The following SH3YL1 variants were observed in gnomAD, a reference collection of about 807,000 sequenced individuals.
The protein encoded by SH3YL1 is SH3 domain-containing YSC84-like protein 1.
Under a neutral mutation model 45.8 loss-of-function variants are expected in SH3YL1, and 41 were observed. The ratio of observed to expected loss-of-function variants is 0.89; its 90% CI spans 0.70 to 1.16. The LOEUF (loss-of-function observed/expected upper bound fraction) is 1.16, where lower values mean the gene tolerates loss of function less well. SH3YL1 is among the 50% of genes most tolerant of loss of function. SH3YL1 has a pLI of 0.00. For synonymous variants in SH3YL1, 152 were observed against 151.4 expected (o/e 1.00, Z -0.03); for missense variants, 389 against 409.6 (o/e 0.95, Z 0.43).
chr2:230,875 G>C, intron 7 of SH3YL1, 148 bp downstream of exon 7: 1 of 722,432 alleles, frequency 1.4e-6, no homozygotes, highest in Non-Finnish European at 2.4e-6. Context: ...GAAATGTCAA[G>C]GTAGCATGAC....
intron 4 of SH3YL1, chr2:242,829 A>G: frequency 6.5e-7 from 1 of 1,534,944 alleles, no homozygotes; most frequent in East Asian, 2.5e-5. Flanking sequence ...ATGGAGAAAG[A>G]TGTGTCATGC....
In SH3YL1 at chr2:263,976, G is replaced by T; in HGVS notation, c.1+8C>A. On this transcript the variant is annotated splice_region_variant and intron_variant, in intron 1 of 9. Transcript: ENST00000356150. ...TGCTGCCGGACAGGTGGGTCCCCGG[G>T]TACTCACTGCTGCCCGCCCGGCCGC... is the stretch of plus-strand genomic sequence containing the variant. The T allele has an allele frequency of 6.7e-7, 1 of 1,492,240 alleles. No individual in the cohort carries two copies. The highest frequency in any genetic ancestry group is 9.0e-7 in the Non-Finnish European group (1 of 1,117,056). The allele number at this position is 1,492,240 out of a possible 1,614,324, so 92.4% of individuals were successfully genotyped here. A position where few individuals can be genotyped will look rare whatever the true frequency, so the allele number is the denominator to read the frequency against.
intron 6 of SH3YL1, among the ~76,000 whole-genome samples, chr2:232,100 C>T (rs894055955): frequency 6.6e-6 from 1 of 152,056 alleles, no homozygotes; most frequent in Non-Finnish European, 1.5e-5. Flanking sequence ...AGTCTTAGCT[C>T]TTTATCTCTT....
chr2:262,891 A>C, intron 1 of SH3YL1: 1 of 360,886 alleles, frequency 2.8e-6, no homozygotes, highest in Non-Finnish European at 5.0e-6. Context: ...GTTTTACAGA[A>C]ATTTTCTTTA....
chr2:243,702 C>G, intron 4 of SH3YL1: 9 of 928,576 alleles, frequency 9.7e-6, no homozygotes, highest in Non-Finnish European at 1.4e-5. Context: ...AGTTTCTTCC[C>G]CGGAAGAACA....
intron 4 of SH3YL1, among the ~76,000 whole-genome samples, chr2:238,642 A>T (rs1226622721): frequency 6.6e-6 from 1 of 152,208 alleles, no homozygotes; most frequent in Admixed American, 6.5e-5. Flanking sequence ...ACATGTCCAA[A>T]GCCAAGCCAG....
intron 2 of SH3YL1, 147 bp downstream of exon 2, chr2:252,858 G>A (rs944649678): frequency 4.2e-5 from 25 of 594,058 alleles, no homozygotes; most frequent in Non-Finnish European, 7.1e-5. Flanking sequence ...GATCAGTCAT[G>A]AGAAAAAAGG....
Position 243,493 on chromosome 2 carries a change from C to T in SH3YL1, c.291+4045G>A, listed in dbSNP as rs763947255. 2.6e-6 allele frequency: 4 copies of T among 1,514,096 alleles called. No homozygotes were observed. The South Asian group carries it at 3.9e-5, about 15-fold the overall frequency. The allele number at this position is 1,514,096 out of a possible 1,614,324, so 93.8% of individuals were successfully genotyped here. On this transcript the variant is annotated intron_variant, in intron 4 of 9. Coordinates refer to ENST00000356150, the MANE Select transcript of SH3YL1 (RefSeq NM_015677.4). ...ATTTTGAGATTAAGGAAAATGAAGA[C>T]ACAACATACCCACACTTATGGAAGG...
chr2:237,974 A>C (rs1668378314), intron 4 of SH3YL1, among the ~76,000 whole-genome samples: 1 of 152,176 alleles, frequency 6.6e-6, no homozygotes, highest in Non-Finnish European at 1.5e-5. Context: ...GAATTTCCTG[A>C]AAGCAGCTGC....
intron 1 of SH3YL1, chr2:261,261 G>A (rs966842820): frequency 6.6e-6 from 1 of 152,206 alleles, no homozygotes; most frequent in Non-Finnish European, 1.5e-5. Context: ...GACCTGATCA[G>A]AGTGCTGATG....
At chr2:250,116 A>G (rs1441507693) in intron 2 of SH3YL1, among the ~76,000 whole-genome samples, 1 of 152,258 alleles carries the variant, frequency 6.6e-6, no homozygotes, top group Non-Finnish European at 1.5e-5. Flanking sequence ...TAGATATTTG[A>G]AAGAGATTTT....
At chr2:219,891 G>C (rs1667501270) in intron 9 of SH3YL1, among the ~76,000 whole-genome samples, 1 of 151,940 alleles carries the variant, frequency 6.6e-6, no homozygotes, top group African/African-American at 2.4e-5. Context: ...AGCACAGGTA[G>C]GAGCATTTCT....
chr2:228,266 G>A (rs906168315), intron 8 of SH3YL1, among the ~76,000 whole-genome samples: 7 of 152,208 alleles, frequency 4.6e-5, no homozygotes, highest in African/African-American at 1.7e-4. Context: ...ATCTCCCCAA[G>A]AAAGGGTTCG....
intron 7 of SH3YL1, chr2:230,769 A>C: frequency 2.3e-6 from 1 of 430,794 alleles, no homozygotes; most frequent in Non-Finnish European, 4.2e-6. Flanking sequence ...TCAGCCTCCC[A>C]CATATTATTT....
chr2:250,605 A>T (rs1669032624), intron 2 of SH3YL1, among the ~76,000 whole-genome samples: 1 of 152,250 alleles, frequency 6.6e-6, no homozygotes, highest in South Asian at 2.1e-4. Flanking sequence ...GAAGCCTAAC[A>T]TATAACTTTA....
At chr2:234,686 C>T (rs1464898714) in intron 4 of SH3YL1, among the ~76,000 whole-genome samples, 1 of 152,028 alleles carries the variant, frequency 6.6e-6, no homozygotes, top group Admixed American at 6.5e-5. Context: ...AAAAGCCAAG[C>T]CCGAAGAGCA....
rs116773193 is a variant in SH3YL1 at position 257,635 on chromosome 2, G to A, written c.2-4520C>T. 2.2e-3 allele frequency among the ~76,000 whole-genome samples: 332 copies of A among 152,252 alleles called. 1 individual carries two copies. Among genetic ancestry groups the A allele is most frequent in the African/African-American group, 7.6e-3 (315 of 41,544 alleles). On this transcript the variant is annotated intron_variant, in intron 1 of 9. Transcript: ENST00000356150. ...TGTACTTCATTTCTGATTTCTGTAC[G>A]TCACTTCCCCTTTTTTGGTCTATAA...
intron 9 of SH3YL1, 71 bp downstream of exon 9, chr2:224,793 A>G (rs936973942): frequency 9.1e-7 from 1 of 1,104,002 alleles, no homozygotes; most frequent in South Asian, 1.3e-5. Flanking sequence ...ATAACCTGTC[A>G]GATTAATTAG....
At chr2:242,022 GTTC>G (rs2103037853) in intron 4 of SH3YL1, 2 of 152,074 alleles carry the variant, frequency 1.3e-5, no homozygotes, top group African/African-American at 4.8e-5. Context: ...TAAATGCATA[GTTC>G]TTCTCTTTTC....
Sources: allele counts gnomAD v4.1 joint callset (sites outside exome capture counted in the v4.1 genomes callset), GRCh38; gene constraint gnomAD v4.1.1; transcripts MANE v1.5; gene names NCBI Gene and HGNC (gene_info 2026-07-23, HGNC 2026-07-21).